The following CBLN4 variants were observed in gnomAD, a reference collection of about 807,000 sequenced individuals.
CBLN4 encodes the protein cerebellin 4 precursor.
In CBLN4, 7 loss-of-function variants were observed where a neutral mutation model predicts 14.9. The observed-to-expected ratio is 0.47, with a 90% CI of 0.27 to 0.88. The LOEUF (loss-of-function observed/expected upper bound fraction) is 0.88, where lower values mean the gene tolerates loss of function less well. Ranked by LOEUF, CBLN4 falls within the 40% of genes least tolerant of loss-of-function variation. The pLI, the probability that CBLN4 is intolerant of heterozygous loss-of-function variation, is 0.14. For missense variants in CBLN4, 188 were observed against 256.8 expected, an observed-to-expected ratio of 0.73 and a Z score of 1.83; for synonymous variants, 131 against 116.5, an observed-to-expected ratio of 1.12 and a Z score of -0.80.
Position 55,998,425 on chromosome 20 carries a change from G to T in CBLN4, c.*132C>A. The T allele has an allele frequency of 1.0e-6, 1 of 959,466 alleles. No individual in the cohort carries two copies. The highest frequency in any genetic ancestry group is 1.6e-6 in the Non-Finnish European group (1 of 639,716). The allele number at this position is 959,466 out of a possible 1,614,324, so 59.4% of individuals were successfully genotyped here. A position where few individuals can be genotyped will look rare whatever the true frequency, so the allele number is the denominator to read the frequency against. On this transcript the variant is annotated 3_prime_UTR_variant, in exon 3 of 3. Coordinates refer to ENST00000064571, the MANE Select transcript of CBLN4 (RefSeq NM_080617.6). ...ATTTTGTATTGGTTCAGACAGGCTA[G>T]AATCCTTAGAATCCATATCCACCCA...
At chr20:56,002,974 T>G (rs1030662048) in intron 1 of CBLN4, among the ~76,000 whole-genome samples, 1 of 152,172 alleles carries the variant, frequency 6.6e-6, no homozygotes, top group African/African-American at 2.4e-5. Context: ...GAGGACAGTT[T>G]TCTCCCTTAA....
chr20:56,000,166 T>C (rs1467634700), intron 2 of CBLN4, among the ~76,000 whole-genome samples: 1 of 152,214 alleles, frequency 6.6e-6, no homozygotes, highest in Non-Finnish European at 1.5e-5. Context: ...ATATATTAAC[T>C]GTGGAACTGC....
chr20:56,004,138 G>T lies in CBLN4; in HGVS notation c.34C>A (p.Pro12Thr). The T allele has an allele frequency of 6.4e-7, 1 of 1,573,346 alleles. No homozygotes were observed. Residue 12 changes from proline (P) to threonine (T), a missense_variant, in exon 1 of 3, where the codon CCG becomes ACG. Pro to Thr is a conservative substitution (Grantham distance 38, BLOSUM62 -1). Coordinates refer to ENST00000064571, the MANE Select transcript of CBLN4 (RefSeq NM_080617.6). This position sits in a 1 kb window ranked among gnomAD's most constrained non-coding sequence, Gnocchi z 6.1. ...AGCGTGAGGACCAGCAGCACGGCCGGCACCGCGGACAGCGCCCGGCGCCCG... is the reference window on the plus strand; with the variant it reads ...AGCGTGAGGACCAGCAGCACGGCCGTCACCGCGGACAGCGCCCGGCGCCCG... ...GSGRRALSAV[P>T]AVLLVLTLPG...
chr20:56,003,675 G>A (rs1986412970), intron 1 of CBLN4, among the ~76,000 whole-genome samples: 1 of 152,172 alleles, frequency 6.6e-6, no homozygotes, highest in South Asian at 2.1e-4. Context: ...TCTTTTAGGG[G>A]CCCGGAAGAA....
At position 55,998,057 on chromosome 20, in the gene CBLN4, A is replaced by C. The variant is rs964104947; in HGVS notation, c.*500T>G. The C allele has an allele frequency of 6.5e-6, 1 of 152,824 alleles. No individual in the cohort carries two copies. Among genetic ancestry groups the C allele is most frequent in the Non-Finnish European group, 1.5e-5 (1 of 68,180 alleles). The allele number at this position is 152,824 out of a possible 1,614,324, so 9.5% of individuals were successfully genotyped here. The stretch of plus-strand genomic sequence containing the variant: ...AAAACATAATACCAGTTACTGAAAA[A>C]AAAAATCCAAGTTTTTTACAAGAAC... On this transcript the variant is annotated 3_prime_UTR_variant, in exon 3 of 3. Coordinates refer to ENST00000064571, the MANE Select transcript of CBLN4 (RefSeq NM_080617.6).
chr20:56,002,668 A>G (rs1465331504), intron 1 of CBLN4, among the ~76,000 whole-genome samples: 2 of 152,262 alleles, frequency 1.3e-5, no homozygotes, highest in African/African-American at 4.8e-5. Context: ...ATTTCCATCA[A>G]GATGGAAAAT....
In CBLN4 at chr20:56,005,043, G is replaced by T. The variant is rs1385575023; in HGVS notation, c.-872C>A. The T allele has an allele frequency of 6.6e-6, 1 of 152,362 alleles. No individual in the cohort carries two copies. The highest frequency in any genetic ancestry group is 1.5e-5 in the Non-Finnish European group (1 of 68,154). 9.4% of individuals were successfully genotyped at this position (152,362 alleles called of 1,614,324 possible). A position where few individuals can be genotyped will look rare whatever the true frequency, so the allele number is the denominator to read the frequency against. On this transcript the variant is annotated 5_prime_UTR_variant, in exon 1 of 3. Coordinates refer to ENST00000064571, the MANE Select transcript of CBLN4 (RefSeq NM_080617.6). Reference sequence around the variant, plus strand: ...GCGTCCGGCTGGGTTGGCTTATCGCGCAACCCGCGGGCTCCGAGAAAAGGG... The same window carrying T: ...GCGTCCGGCTGGGTTGGCTTATCGCTCAACCCGCGGGCTCCGAGAAAAGGG...
intron 1 of CBLN4, among the ~76,000 whole-genome samples, chr20:56,002,088 C>T (rs1986383801): frequency 6.6e-6 from 1 of 152,150 alleles, no homozygotes; most frequent in African/African-American, 2.4e-5. Context: ...TGTACTATTA[C>T]CTCTGGGCAA....
rs1266272019 is a variant in CBLN4, at chr20:56,005,459, C to G, written c.-1288G>C. ...GGCGGGCGTCCCGACCGCGCCTGGC[C>G]GGGAGCCCGCCCCACACAGCCCTGG... is the stretch of plus-strand genomic sequence containing the variant. On this transcript the variant is annotated 5_prime_UTR_variant, in exon 1 of 3. Coordinates refer to ENST00000064571, the MANE Select transcript of CBLN4 (RefSeq NM_080617.6). The G allele has an allele frequency of 1.3e-5, 2 of 152,226 alleles. No individual in the cohort carries two copies. The highest frequency in any genetic ancestry group is 3.9e-4 in the East Asian group (2 of 5,156). 9.4% of individuals were successfully genotyped at this position (152,226 alleles called of 1,614,324 possible). A position where few individuals can be genotyped will look rare whatever the true frequency, so the allele number is the denominator to read the frequency against.
intron 2 of CBLN4, 128 bp downstream of exon 2, chr20:56,000,603 T>A: frequency 2.1e-6 from 1 of 466,316 alleles, no homozygotes; most frequent in South Asian, 7.1e-5. Context: ...TGTTTTAAAA[T>A]AAATGATAAA....
chr20:55,999,194 T>A (rs1986328613), intron 2 of CBLN4, among the ~76,000 whole-genome samples: 1 of 152,210 alleles, frequency 6.6e-6, no homozygotes, highest in South Asian at 2.1e-4. Context: ...ACCAACATCC[T>A]TGCGAATTTT....
At chr20:56,001,173 A>C (rs1293828260) in intron 1 of CBLN4, among the ~76,000 whole-genome samples, 1 of 152,232 alleles carries the variant, frequency 6.6e-6, no homozygotes, top group African/African-American at 2.4e-5. Flanking sequence ...TCATGTCTCA[A>C]TTTCCAGCAA....
At position 55,998,680 on chromosome 20, in the gene CBLN4, G is replaced by C. The variant is rs760120946; in HGVS notation, c.483C>G (p.Ala161=). Residue 161 remains alanine, a synonymous_variant, in exon 3 of 3, where the codon GCC becomes GCG. Coordinates refer to ENST00000064571, the MANE Select transcript of CBLN4 (RefSeq NM_080617.6). Reference sequence around the variant, plus strand: ...CTAGGTAGAGCAGGACACCATTCGTGGCAGCTTCACGAGTAACATCTTTGT... The same window carrying C: ...CTAGGTAGAGCAGGACACCATTCGTCGCAGCTTCACGAGTAACATCTTTGT... ...AGDKDVTREA[A]TNGVLLYLDK... is the part of the protein sequence containing the mutation. 1.2e-6 allele frequency: 2 copies of C among 1,614,088 alleles called. No individual in the cohort carries two copies. The highest frequency in any genetic ancestry group is 2.7e-5 in the African/African-American group (2 of 75,030).
Position 56,004,209 on chromosome 20 carries a change from G to C in CBLN4, c.-38C>G. On this transcript the variant is annotated 5_prime_UTR_variant, in exon 1 of 3. Coordinates refer to ENST00000064571, the MANE Select transcript of CBLN4 (RefSeq NM_080617.6). This position sits in a 1 kb window ranked among gnomAD's most constrained non-coding sequence, Gnocchi z 6.1. ...GGGCAGCCGCAGCCGGCTGGCGCTG[G>C]TGCTCGCCCGCGTCGCCTCCTACCC... 1.5e-6 allele frequency: 2 copies of C among 1,376,492 alleles called. No homozygotes were observed. The highest frequency in any genetic ancestry group is 1.9e-6 in the Non-Finnish European group (2 of 1,072,688). 85.3% of individuals were successfully genotyped at this position (1,376,492 alleles called of 1,614,324 possible).
At position 55,998,388 on chromosome 20, in the gene CBLN4, A is replaced by G. The variant is rs1438354612; in HGVS notation, c.*169T>C. The stretch of plus-strand genomic sequence containing the variant: ...AATATACTGAAACAGACACACACAA[A>G]TAATCTGTGAAATTTTGTATTGGTT... On this transcript the variant is annotated 3_prime_UTR_variant, in exon 3 of 3. Transcript: ENST00000064571. 5.8e-6 allele frequency: 4 copies of G among 692,876 alleles called. No individual in the cohort carries two copies. The East Asian group carries it at 1.1e-4, about 19-fold the overall frequency. The allele number at this position is 692,876 out of a possible 1,614,324, so 42.9% of individuals were successfully genotyped here. A position where few individuals can be genotyped will look rare whatever the true frequency, so the allele number is the denominator to read the frequency against.
Position 56,003,943 on chromosome 20 carries a change from G to T in CBLN4, c.229C>A (p.Arg77=). ...ANSKVAFSAV[R]STNHEPSEMS... Reference sequence around the variant, plus strand: ...TCGGATGGCTCGTGGTTGGTGCTCCGCACCGCCGAGAAGGCGACCTTGGAG... The same window carrying T: ...TCGGATGGCTCGTGGTTGGTGCTCCTCACCGCCGAGAAGGCGACCTTGGAG... Residue 77 remains arginine, a synonymous_variant, in exon 1 of 3, where the codon CGG becomes AGG. Transcript: ENST00000064571. 2.5e-6 allele frequency: 4 copies of T among 1,613,796 alleles called. No individual in the cohort carries two copies. The highest frequency in any genetic ancestry group is 2.5e-6 in the Non-Finnish European group (3 of 1,179,962).
chr20:55,999,145 T>G (rs1986327596), intron 2 of CBLN4, among the ~76,000 whole-genome samples: 2 of 152,344 alleles, frequency 1.3e-5, no homozygotes, highest in Admixed American at 6.5e-5. Flanking sequence ...AGAGACCCTC[T>G]GCCCACTGAC....
chr20:56,001,080 T>C (rs1986361800), intron 1 of CBLN4, among the ~76,000 whole-genome samples: 1 of 152,208 alleles, frequency 6.6e-6, no homozygotes, highest in Non-Finnish European at 1.5e-5. Flanking sequence ...TCCTCTTAAC[T>C]GATTTGGAAA....
intron 1 of CBLN4, 80 bp downstream of exon 1, chr20:56,003,801 T>C (rs899046979): frequency 1.4e-6 from 2 of 1,449,982 alleles, no homozygotes; most frequent in South Asian, 2.6e-5. Flanking sequence ...TCGGACCAGC[T>C]TAGCCTGGGC....
Sources: gnomAD v4.1 joint callset for allele counts (sites outside exome capture counted in the v4.1 genomes callset) on GRCh38, gnomAD v4.1.1 for gene constraint, Gnocchi (gnomAD v3.1) non-coding constraint, MANE v1.5 for transcripts, NCBI Gene and HGNC (gene_info 2026-07-23, HGNC 2026-07-21) for gene names.